The following PPP2R2B variants were observed in gnomAD, a reference collection of about 807,000 sequenced individuals.
PPP2R2B encodes the protein serine/threonine-protein phosphatase 2A 55 kDa regulatory subunit B beta isoform.
A neutral mutation model predicts 46.0 loss-of-function variants in PPP2R2B; 5 were observed. That is an observed-to-expected ratio of 0.11 (90% CI 0.06 to 0.23). PPP2R2B has a LOEUF of 0.23. PPP2R2B is among the 10% of genes least tolerant of loss of function. PPP2R2B has a pLI of 1.00. For synonymous variants in PPP2R2B, 215 were observed against 206.7 expected (o/e 1.04, Z -0.34); for missense variants, 367 against 575.0 (o/e 0.64, Z 3.70).
upstream of PPP2R2B, chr5:146,878,835 A>G (rs1762064640): frequency 8.0e-7 from 1 of 1,244,688 alleles, no homozygotes; most frequent in African/African-American, 1.6e-5. This position sits in a 1 kb window ranked among gnomAD's most constrained non-coding sequence, Gnocchi z 4.5. Context: ...ACTCTTTCCC[A>G]GCAGCAGTGG....
At chr5:146,661,370 C>T (rs911771169) in intron 5 of PPP2R2B, among the ~76,000 whole-genome samples, 2 of 152,040 alleles carry the variant, frequency 1.3e-5, no homozygotes, top group African/African-American at 2.4e-5. Flanking sequence ...GTACTAACTT[C>T]TACAATAGAC....
intron 2 of PPP2R2B, among the ~76,000 whole-genome samples, chr5:146,861,092 G>C (rs1218746113): frequency 7.9e-6 from 1 of 126,784 alleles, no homozygotes; most frequent in Non-Finnish European, 1.6e-5. Context: ...AGTCTCCTCT[G>C]TCGCTCGGGC....
intron 1 of PPP2R2B, among the ~76,000 whole-genome samples, chr5:146,911,383 C>T (rs1042344986): frequency 6.6e-6 from 1 of 152,070 alleles, no homozygotes; most frequent in African/African-American, 2.4e-5. Context: ...TGGCCAGCCT[C>T]TTGACTTTTA....
intron 6 of PPP2R2B, among the ~76,000 whole-genome samples, chr5:146,646,780 T>C (rs76639662): frequency 0.066 from 10,110 of 152,266 alleles, 460 homozygotes; most frequent in East Asian, 0.17. Flanking sequence ...CTCTCAATAA[T>C]TATCATGATT....
intron 5 of PPP2R2B, among the ~76,000 whole-genome samples, chr5:146,688,754 G>A (rs962035493): frequency 1.3e-5 from 2 of 152,092 alleles, no homozygotes; most frequent in Admixed American, 1.3e-4. Context: ...GTTAAGCACA[G>A]ATATATGAAA....
chr5:146,609,339 A>G (rs79827249), intron 7 of PPP2R2B, among the ~76,000 whole-genome samples: 2,393 of 152,360 alleles, frequency 0.016, 30 homozygotes, highest in Middle Eastern at 0.041. Flanking sequence ...CATAGTACTG[A>G]AAGTCCTAGA....
intron 1 of PPP2R2B, among the ~76,000 whole-genome samples, chr5:147,033,258 C>T (rs1032410002): frequency 3.9e-5 from 6 of 152,136 alleles, no homozygotes; most frequent in African/African-American, 1.2e-4. Flanking sequence ...TAATAACCAC[C>T]CATGTGCATG....
chr5:147,045,928 G>A (rs755311618), intron 1 of PPP2R2B, among the ~76,000 whole-genome samples: 1 of 151,952 alleles, frequency 6.6e-6, no homozygotes, highest in African/African-American at 2.4e-5. Context: ...CTCATCCTTC[G>A]GATCTCAGCT....
chr5:146,972,303 C>T (rs1752694854), intron 1 of PPP2R2B, among the ~76,000 whole-genome samples: 1 of 152,150 alleles, frequency 6.6e-6, no homozygotes, highest in Non-Finnish European at 1.5e-5. Flanking sequence ...TGGTGATGTT[C>T]ACCTTGTGGA....
intron 1 of PPP2R2B, among the ~76,000 whole-genome samples, chr5:146,938,638 C>T (rs1483864813): frequency 2.0e-5 from 3 of 150,194 alleles, no homozygotes; most frequent in Non-Finnish European, 4.4e-5. Flanking sequence ...GAATTAAAAT[C>T]TTGAATGACA....
At chr5:146,964,800 C>T (rs1395834617) in intron 1 of PPP2R2B, among the ~76,000 whole-genome samples, 1 of 152,126 alleles carries the variant, frequency 6.6e-6, no homozygotes, top group Admixed American at 6.5e-5. Context: ...GCTGGGATTA[C>T]AGGTGTGAGC....
rs936474356 is a variant in PPP2R2B at position 146,683,385 on chromosome 5, C to T, written c.447+7743G>A. Among the ~76,000 whole-genome samples, 17 of 152,144 alleles carry T rather than the reference C, an allele frequency of 1.1e-4. No homozygotes were observed. The South Asian group carries it at 1.2e-3, about 11-fold the overall frequency. On this transcript the variant is annotated intron_variant, in intron 5 of 9. Transcript: ENST00000394411. ...AGCTTGGGTTTTAGAGTCATAAAGA[C>T]GTGCACTCAAGTCCAAGCATTACCA...
chr5:146,976,753 G>A (rs1752925966), intron 1 of PPP2R2B, among the ~76,000 whole-genome samples: 1 of 151,980 alleles, frequency 6.6e-6, no homozygotes, highest in Non-Finnish European at 1.5e-5. Context: ...TGAGTAAGCA[G>A]GCAAATGCCC....
chr5:147,069,785 GTTTTTTT>G (rs540998224), intron 2 of PPP2R2B, among the ~76,000 whole-genome samples: 4 of 64,786 alleles, frequency 6.2e-5, no homozygotes, highest in Non-Finnish European at 1.0e-4. Context: ...ATTTTATACT[GTTTTTTT>G]TTTTTTTTTT....
intron 2 of PPP2R2B, among the ~76,000 whole-genome samples, chr5:146,748,397 C>T (rs965606184): frequency 6.6e-6 from 1 of 152,288 alleles, no homozygotes; most frequent in East Asian, 1.9e-4. Flanking sequence ...TATATCACAG[C>T]CAGGATCTGA....
At chr5:146,897,425 T>C (rs944364796) in intron 1 of PPP2R2B, among the ~76,000 whole-genome samples, 1 of 152,042 alleles carries the variant, frequency 6.6e-6, no homozygotes, top group East Asian at 1.9e-4. Flanking sequence ...AGTGTGGGAG[T>C]TGGGTCTTCA....
chr5:146,948,413 G>T (rs1389301348), intron 1 of PPP2R2B, among the ~76,000 whole-genome samples: 1 of 152,030 alleles, frequency 6.6e-6, no homozygotes, highest in East Asian at 1.9e-4. Context: ...TGCATGTGAA[G>T]TCCTTGATAC....
rs189389305 is a variant in PPP2R2B, at chr5:146,919,052, T to C, written c.79+136613A>G. Among the ~76,000 whole-genome samples, 236 of 152,284 alleles carry C rather than the reference T, an allele frequency of 1.5e-3. 1 individual carries two copies. Among genetic ancestry groups the C allele is most frequent in the Non-Finnish European group, 2.0e-3 (138 of 68,012 alleles). Reference sequence around the variant, plus strand: ...AAATCAATTATATGCAAAACCTATATATGAAAGTTCCCATTTCCTAGATGA... The same window carrying C: ...AAATCAATTATATGCAAAACCTATACATGAAAGTTCCCATTTCCTAGATGA... On this transcript the variant is annotated intron_variant, in intron 1 of 8. Transcript: ENST00000336640.
chr5:146,936,471 GAA>G (rs35203174), intron 1 of PPP2R2B, among the ~76,000 whole-genome samples: 3 of 84,490 alleles, frequency 3.6e-5, no homozygotes, highest in African/African-American at 7.5e-5. Flanking sequence ...AGCAGGAAAA[GAA>G]AAAAAAAAAA....
Sources: allele counts gnomAD v4.1 joint callset (sites outside exome capture counted in the v4.1 genomes callset), GRCh38; gene constraint gnomAD v4.1.1; non-coding constraint Gnocchi (gnomAD v3.1); transcripts MANE v1.5; gene names NCBI Gene and HGNC (gene_info 2026-07-23, HGNC 2026-07-21).